PCDH9: variants seen among roughly 807,000 people sequenced by gnomAD.
The protein encoded by PCDH9 is protocadherin 9, also known as protocadherin-9.
PCDH9 carries 24 observed loss-of-function variants against 70.6 expected under a neutral mutation model. The ratio of observed to expected loss-of-function variants is 0.34; its 90% CI spans 0.25 to 0.48. PCDH9 has a LOEUF of 0.48. Among genes scored for constraint, PCDH9 ranks in the 20% least tolerant of loss-of-function variants. The pLI is 0.99. For synonymous variants in PCDH9, 562 were observed against 558.5 expected (o/e 1.01, Z -0.09); for missense variants, 1,281 against 1,503.6 (o/e 0.85, Z 2.45).
rs181264637 is a variant in PCDH9 at position 66,632,810 on chromosome 13, G to A, written c.3139-1399C>T. ...CAGCCAAAAGACCTTTCGATACCAT[G>A]CTACATATGACCACTTAAATTCAGA... On this transcript the variant is annotated intron_variant, in intron 3 of 4. Transcript: ENST00000377865. Among the ~76,000 whole-genome samples the A allele has an allele frequency of 4.9e-3, 746 of 152,018 alleles. 2 individuals are homozygous for A. Among genetic ancestry groups the A allele is most frequent in the Non-Finnish European group, 7.4e-3 (506 of 67,960 alleles).
chr13:66,349,351 T>G (rs1956259590), intron 4 of PCDH9, among the ~76,000 whole-genome samples: 1 of 152,174 alleles, frequency 6.6e-6, no homozygotes, highest in African/African-American at 2.4e-5. Context: ...GTTTCTATTA[T>G]CTCCTTGATG....
intron 3 of PCDH9, among the ~76,000 whole-genome samples, chr13:66,675,053 C>G (rs9317602): frequency 0.23 from 34,626 of 151,870 alleles, 4,280 homozygotes; most frequent in Middle Eastern, 0.36. Context: ...TTTGCTTAGT[C>G]TTACTTGAAA....
At chr13:66,957,637 T>C (rs2083284233) in intron 2 of PCDH9, among the ~76,000 whole-genome samples, 1 of 152,156 alleles carries the variant, frequency 6.6e-6, no homozygotes, top group African/African-American at 2.4e-5. Context: ...GCCCTCATGA[T>C]GGAATACTGT....
chr13:67,159,785 C>A (rs2087907508), intron 2 of PCDH9, among the ~76,000 whole-genome samples: 1 of 152,056 alleles, frequency 6.6e-6, no homozygotes. Context: ...CAAAACGAAC[C>A]TGACATTGAA....
chr13:66,421,751 C>T (rs1316602735), intron 4 of PCDH9, among the ~76,000 whole-genome samples: 1 of 152,048 alleles, frequency 6.6e-6, no homozygotes, highest in Non-Finnish European at 1.5e-5. Context: ...GAAACTGCAC[C>T]AACTGGGGGG....
intron 3 of PCDH9, among the ~76,000 whole-genome samples, chr13:66,657,387 C>T (rs750445579): frequency 2.6e-5 from 4 of 152,120 alleles, no homozygotes; most frequent in Non-Finnish European, 5.9e-5. Context: ...CTTAATCATA[C>T]GGGAGTCTCT....
At chr13:66,950,841 C>T (rs950772942) in intron 2 of PCDH9, among the ~76,000 whole-genome samples, 2 of 152,106 alleles carry the variant, frequency 1.3e-5, no homozygotes, top group Non-Finnish European at 2.9e-5. Flanking sequence ...AGCCATCTAT[C>T]TATCCATCTG....
chr13:66,651,701 C>A (rs1408957085), intron 3 of PCDH9, among the ~76,000 whole-genome samples: 3 of 151,956 alleles, frequency 2.0e-5, no homozygotes, highest in African/African-American at 7.2e-5. Context: ...CTGACAAAAA[C>A]ACATTAAAAA....
At chr13:66,534,669 CCTTT>C (rs1371216805) in intron 4 of PCDH9, among the ~76,000 whole-genome samples, 3 of 152,056 alleles carry the variant, frequency 2.0e-5, no homozygotes, top group Admixed American at 1.3e-4. Context: ...TGCTTATTTT[CCTTT>C]CTCTTTCTTA....
In PCDH9 at chr13:66,508,043, C is replaced by T. The variant is rs746082320; in HGVS notation, c.3340+123167G>A. On this transcript the variant is annotated intron_variant, in intron 4 of 4. Transcript: ENST00000377865. ...GCCCTACCTTGTATTTTCTTTGTGTCCTTCTGCAAATTGTTTGACCTCTCT... is the reference window on the plus strand; with the variant it reads ...GCCCTACCTTGTATTTTCTTTGTGTTCTTCTGCAAATTGTTTGACCTCTCT... Among the ~76,000 whole-genome samples, 3 of 152,160 alleles carry T rather than the reference C, an allele frequency of 2.0e-5. No homozygotes were observed. In the South Asian group the frequency reaches 6.2e-4, roughly 32 times the overall value.
chr13:66,865,111 T>C (rs1320538123), intron 3 of PCDH9, among the ~76,000 whole-genome samples: 1 of 152,172 alleles, frequency 6.6e-6, no homozygotes, highest in Non-Finnish European at 1.5e-5. Context: ...CTTCATAAAA[T>C]AAAGTTTTAT....
intron 4 of PCDH9, among the ~76,000 whole-genome samples, chr13:66,480,305 T>G (rs190305293): frequency 6.6e-6 from 1 of 152,124 alleles, no homozygotes; most frequent in Non-Finnish European, 1.5e-5. Context: ...AGATGAGAAA[T>G]TGATTTTTAT....
intron 4 of PCDH9, among the ~76,000 whole-genome samples, chr13:66,375,712 ATTAT>A (rs1956735504): frequency 6.6e-6 from 1 of 152,122 alleles, no homozygotes. Flanking sequence ...GAATTTAACT[ATTAT>A]TTAAGATGAA....
intron 3 of PCDH9, among the ~76,000 whole-genome samples, chr13:66,728,885 C>T (rs2209022): frequency 0.96 from 146,505 of 152,152 alleles, 70,783 homozygotes; most frequent in East Asian, 1. Context: ...GGTTCTTTTA[C>T]CTGATTCCAA....
intron 2 of PCDH9, among the ~76,000 whole-genome samples, chr13:67,147,516 T>C (rs191609481): frequency 7.9e-5 from 12 of 152,028 alleles, no homozygotes. Context: ...CTGGAGAGAG[T>C]CTACGCTTGC....
At chr13:66,718,845 T>C (rs1051098859) in intron 3 of PCDH9, among the ~76,000 whole-genome samples, 8 of 152,194 alleles carry the variant, frequency 5.3e-5, no homozygotes, top group Non-Finnish European at 1.2e-4. Context: ...CAAATTAATT[T>C]TCTCTTTGCA....
At chr13:66,561,926 C>T (rs1224371203) in intron 4 of PCDH9, among the ~76,000 whole-genome samples, 1 of 152,110 alleles carries the variant, frequency 6.6e-6, no homozygotes. Context: ...AATCCTGCTG[C>T]TGCTCACTCT....
chr13:67,073,342 A>G (rs1033238974), intron 2 of PCDH9, among the ~76,000 whole-genome samples: 12 of 152,166 alleles, frequency 7.9e-5, no homozygotes, highest in African/African-American at 2.9e-4. Flanking sequence ...TAATATTATG[A>G]TGAAACTTTA....
chr13:66,615,980 A>G (rs934951812), intron 4 of PCDH9, among the ~76,000 whole-genome samples: 5 of 152,196 alleles, frequency 3.3e-5, no homozygotes, highest in Admixed American at 2.6e-4. Flanking sequence ...AATACTGTTA[A>G]TTTTACCAAG....
Sources: gnomAD v4.1 joint callset for allele counts (sites outside exome capture counted in the v4.1 genomes callset) on GRCh38, gnomAD v4.1.1 for gene constraint, MANE v1.5 for transcripts, NCBI Gene and HGNC (gene_info 2026-07-23, HGNC 2026-07-21) for gene names.